USP34: variants seen among roughly 807,000 people sequenced by gnomAD.
The protein encoded by USP34 is ubiquitin carboxyl-terminal hydrolase 34.
A neutral mutation model predicts 460.3 loss-of-function variants in USP34; 70 were observed. That is an observed-to-expected ratio of 0.15 (90% CI 0.13 to 0.19). USP34 has a LOEUF of 0.19. USP34 is among the 10% of genes least tolerant of loss of function. The pLI is 1.00. For synonymous variants in USP34, 1,647 were observed against 1,405.3 expected, an observed-to-expected ratio of 1.17 and a Z score of -3.85; for missense variants, 3,985 against 4,236.2, an observed-to-expected ratio of 0.94 and a Z score of 1.65.
At chr2:61,388,681 G>A (rs561600581) in intron 5 of USP34, among the ~76,000 whole-genome samples, 107 of 151,446 alleles carry the variant, frequency 7.1e-4, no homozygotes, top group African/African-American at 2.5e-3. Context: ...GTGTGAACCC[G>A]CGAGGCAGAG....
chr2:61,339,690 A>C lies in USP34; in HGVS notation c.2501-9T>G. 2 of 309,434 alleles carry C rather than the reference A, an allele frequency of 6.5e-6. No individual in the cohort carries two copies. The highest frequency in any genetic ancestry group is 4.9e-6 in the Non-Finnish European group (1 of 205,532). The allele number at this position is 309,434 out of a possible 1,614,324, so 19.2% of individuals were successfully genotyped here. Reference sequence around the variant, plus strand: ...TTTATGAACTACAGGTCCTGAAGAGAAAAAAAAAAAAAAGACACACTATAG... The same window carrying C: ...TTTATGAACTACAGGTCCTGAAGAGCAAAAAAAAAAAAAGACACACTATAG... On this transcript the variant is annotated splice_polypyrimidine_tract_variant and intron_variant, in intron 16 of 79. Coordinates refer to ENST00000398571, the MANE Select transcript of USP34 (RefSeq NM_014709.4).
At chr2:61,372,913 T>C (rs929296339) in intron 8 of USP34, among the ~76,000 whole-genome samples, 1 of 151,988 alleles carries the variant, frequency 6.6e-6, no homozygotes, top group Non-Finnish European at 1.5e-5. Context: ...AACCAAGAAG[T>C]AGAACAAACT....
intron 44 of USP34, 110 bp downstream of exon 44, chr2:61,259,601 G>GTC: frequency 1.2e-6 from 1 of 864,982 alleles, no homozygotes; most frequent in Non-Finnish European, 1.8e-6. Flanking sequence ...GCCCAGGCTG[G>GTC]TCTCAAGCTC....
chr2:61,280,283 G>T lies in USP34; in HGVS notation c.5217C>A (p.Cys1739Ter). 1 of 1,560,336 alleles carries T rather than the reference G, an allele frequency of 6.4e-7. No individual in the cohort carries two copies. The highest frequency in any genetic ancestry group is 8.7e-7 in the Non-Finnish European group (1 of 1,154,618). Reference protein sequence around the residue: ...PGCKEYFWLLCKLVDNIHIKD... With the variant: ...PGCKEYFWLL ...TTATATGTATGTTGTCAACTAATTT[G>T]CATAACAACCAAAAATACTCTTTAC... The change falls in exon 39 of 80, where the codon TGC (cysteine) becomes TGA (stop). Residue 1739 changes from cysteine (C) to a stop codon, truncating the protein, a stop_gained. Coordinates refer to ENST00000398571, the MANE Select transcript of USP34 (RefSeq NM_014709.4). LOFTEE classifies it high-confidence loss of function.
intron 5 of USP34, among the ~76,000 whole-genome samples, chr2:61,385,603 C>A (rs1243780537): frequency 1.6e-5 from 2 of 127,092 alleles, no homozygotes; most frequent in African/African-American, 6.1e-5. Flanking sequence ...ACCTGGGAGG[C>A]GGAGCTTGCA....
At chr2:61,198,983 C>T (rs1312024488) in intron 75 of USP34, among the ~76,000 whole-genome samples, 4 of 152,172 alleles carry the variant, frequency 2.6e-5, no homozygotes, top group Non-Finnish European at 4.4e-5. Context: ...CGTTCTTCAT[C>T]ATCTTACCAA....
rs1689988519 is a variant in USP34 at position 61,295,202 on chromosome 2, C to G, written c.4343G>C (p.Gly1448Ala). Reference sequence around the variant, plus strand: ...CCTCCTTATTCTTCTATTAGGTTTTCCCAGTGCTTCAATAATTTCCAGAGC... The same window carrying G: ...CCTCCTTATTCTTCTATTAGGTTTTGCCAGTGCTTCAATAATTTCCAGAGC... ...LYALEIIEAL[G>A]KPNRRIRRES... The change falls in exon 31 of 80, where the codon GGA (glycine) becomes GCA (alanine). Residue 1448 changes from glycine to alanine, a missense_variant. Physicochemically the swap from Gly to Ala is moderately conservative, Grantham distance 60. Coordinates refer to ENST00000398571, the MANE Select transcript of USP34 (RefSeq NM_014709.4). 1 of 1,611,918 alleles carries G rather than the reference C, an allele frequency of 6.2e-7. No homozygotes were observed. The highest frequency in any genetic ancestry group is 8.5e-7 in the Non-Finnish European group (1 of 1,179,292).
rs567816635 is a variant in USP34, at chr2:61,445,299, G to A, written c.44-24466C>T. 4.8e-4 allele frequency among the ~76,000 whole-genome samples: 72 copies of A among 150,800 alleles called. No homozygotes were observed. In the South Asian group the frequency reaches 0.015, roughly 31 times the overall value. ...ACCTGTAATCCCAGCACTTTGGGAG[G>A]CCGAGGCGGGCGGATCACAAGGTCA... is the stretch of plus-strand genomic sequence containing the variant. On this transcript the variant is annotated intron_variant, in intron 1 of 79. Coordinates refer to ENST00000398571, the MANE Select transcript of USP34 (RefSeq NM_014709.4).
In USP34 at chr2:61,220,407, T is replaced by G. The variant is rs1687525947; in HGVS notation, c.7950A>C (p.Thr2650=). 4 of 1,613,934 alleles carry G rather than the reference T, an allele frequency of 2.5e-6. No homozygotes were observed. The highest frequency in any genetic ancestry group is 1.7e-5 in the Admixed American group (1 of 59,974). ...SQCLDWLAVQ[T]PRNKLAHSWV... ...AGCTGTGTGCCAGTTTATTTCGGGG[T>G]GTCTGCACTGCCAACCAATCTAGAC... Residue 2650 remains threonine, a synonymous_variant, in exon 67 of 80, where the codon ACA becomes ACC. Transcript: ENST00000398571.
At chr2:61,435,551 TG>T (rs1694790188) in intron 1 of USP34, among the ~76,000 whole-genome samples, 1 of 151,858 alleles carries the variant, frequency 6.6e-6, no homozygotes, top group African/African-American at 2.4e-5. Context: ...AAAGAAAAAC[TG>T]AGGAAATACT....
rs552534416 is a variant in USP34, at chr2:61,228,403, C to T, written c.7443+242G>A. 2.0e-5 allele frequency among the ~76,000 whole-genome samples: 3 copies of T among 152,264 alleles called. No individual in the cohort carries two copies. In the South Asian group the frequency reaches 6.2e-4, roughly 32 times the overall value. On this transcript the variant is annotated intron_variant, in intron 61 of 79. Transcript: ENST00000398571. ...ACCCTAAAGTAGGTGACCACTTTGCCTAAGTTTATTTGCTTTGTTCCAGAC... is the reference window on the plus strand; with the variant it reads ...ACCCTAAAGTAGGTGACCACTTTGCTTAAGTTTATTTGCTTTGTTCCAGAC...
chr2:61,244,248 G>A (rs1688360006), intron 51 of USP34, among the ~76,000 whole-genome samples: 1 of 152,180 alleles, frequency 6.6e-6, no homozygotes. Flanking sequence ...ACAGTTCTCA[G>A]AAAATTGATA....
intron 1 of USP34, among the ~76,000 whole-genome samples, chr2:61,425,262 A>G (rs1358884480): frequency 1.3e-5 from 2 of 152,242 alleles, no homozygotes; most frequent in East Asian, 1.9e-4. Context: ...GTGAGTACTC[A>G]TAGTACCTGG....
chr2:61,306,228 T>A lies in USP34; in HGVS notation c.3818-4774A>T, dbSNP rs759705633. On this transcript the variant is annotated intron_variant, in intron 27 of 79. Transcript: ENST00000398571. ...TTTTAGGTCTTAAGTCTTTAATCCA[T>A]CTTGAATTATTTTTTGTATAAGGTG... 2.0e-5 allele frequency among the ~76,000 whole-genome samples: 3 copies of A among 152,340 alleles called. No homozygotes were observed. In the South Asian group the frequency reaches 6.2e-4, roughly 32 times the overall value.
rs76320677 is a variant in USP34, at chr2:61,383,410, A to C, written c.754-74T>G. On this transcript the variant is annotated intron_variant, in intron 5 of 79. Coordinates refer to ENST00000398571, the MANE Select transcript of USP34 (RefSeq NM_014709.4). ...ATATATCTTTCACTAAACTAATGAA[A>C]AACAAGAGCATTGGCCAGGCACGGT... is the stretch of plus-strand genomic sequence containing the variant. 1,781 of 1,213,330 alleles carry C rather than the reference A, an allele frequency of 1.5e-3. 16 individuals are homozygous for C. The African/African-American group carries it at 0.024, about 16-fold the overall frequency. 75.2% of individuals were successfully genotyped at this position (1,213,330 alleles called of 1,614,324 possible). A position where few individuals can be genotyped will look rare whatever the true frequency, so the allele number is the denominator to read the frequency against.
rs1282508875 is a variant in USP34, at chr2:61,189,033, T to C, written c.9910A>G (p.Thr3304Ala). 4 of 1,613,994 alleles carry C rather than the reference T, an allele frequency of 2.5e-6. No homozygotes were observed. Among genetic ancestry groups the C allele is most frequent in the African/African-American group, 1.3e-5 (1 of 74,888 alleles). ...RALALLLSVH[T>A]PKQLNPALIP... ...AGAGCTGGGTTTAACTGTTTGGGAG[T>C]GTGTACTGACAGGAGCAAAGCGAGT... The change falls in exon 79 of 80, where the codon ACT (threonine) becomes GCT (alanine). Residue 3304 changes from threonine to alanine, a missense_variant. Transcript: ENST00000398571.
chr2:61,461,242 A>T (rs1011229018), intron 1 of USP34, among the ~76,000 whole-genome samples: 6 of 151,464 alleles, frequency 4.0e-5, no homozygotes, highest in African/African-American at 9.7e-5. Context: ...AATGCAAAAG[A>T]ATTAGCCAGG....
intron 44 of USP34, among the ~76,000 whole-genome samples, chr2:61,259,259 A>AAAT (rs1558495797): frequency 4.6e-5 from 7 of 152,020 alleles, no homozygotes; most frequent in Admixed American, 3.9e-4. Flanking sequence ...ACTCTGTCTC[A>AAAT]AAATAAATAA....
intron 48 of USP34, among the ~76,000 whole-genome samples, chr2:61,255,856 T>A (rs1002139279): frequency 8.5e-5 from 13 of 152,316 alleles, no homozygotes; most frequent in Non-Finnish European, 1.6e-4. Flanking sequence ...AATGCTTCTG[T>A]TCAAGTAACC....
Sources: gnomAD v4.1 joint callset for allele counts (sites outside exome capture counted in the v4.1 genomes callset) on GRCh38, gnomAD v4.1.1 for gene constraint, MANE v1.5 for transcripts, NCBI Gene and HGNC (gene_info 2026-07-23, HGNC 2026-07-21) for gene names.